The following CCDC7 variants were observed in gnomAD, a reference collection of about 807,000 sequenced individuals.
The protein encoded by CCDC7 is coiled-coil domain-containing protein 7.
Under a neutral mutation model 196.9 loss-of-function variants are expected in CCDC7, and 183 were observed. The observed-to-expected ratio is 0.93, with a 90% CI of 0.82 to 1.05. The LOEUF (loss-of-function observed/expected upper bound fraction) is 1.05. Among genes scored for constraint, CCDC7 ranks in the 50% least tolerant of loss-of-function variants. The pLI, the probability that CCDC7 is intolerant of heterozygous loss-of-function variation, is 0.00. For missense variants in CCDC7, 1,540 were observed against 1,482.2 expected, an observed-to-expected ratio of 1.04 and a Z score of -0.64; for synonymous variants, 525 against 484.6, an observed-to-expected ratio of 1.08 and a Z score of -1.10.
chr10:32,785,824 A>G (rs1177846895), intron 29 of CCDC7, among the ~76,000 whole-genome samples: 1 of 152,146 alleles, frequency 6.6e-6, no homozygotes, highest in African/African-American at 2.4e-5. Flanking sequence ...CCATAATCCC[A>G]TATTTCCCCA....
chr10:32,768,150 T>C (rs949722033), intron 28 of CCDC7, among the ~76,000 whole-genome samples: 1 of 152,144 alleles, frequency 6.6e-6, no homozygotes, highest in East Asian at 1.9e-4. Flanking sequence ...AAGTATGTAT[T>C]TAGTACTTGT....
At chr10:32,700,527 T>C (rs2078516482) in intron 24 of CCDC7, among the ~76,000 whole-genome samples, 1 of 152,194 alleles carries the variant, frequency 6.6e-6, no homozygotes, top group Non-Finnish European at 1.5e-5. Context: ...AGGATTGACT[T>C]GGCGATGCGG....
chr10:32,841,097 G>T (rs185057920), intron 33 of CCDC7, among the ~76,000 whole-genome samples: 130 of 152,100 alleles, frequency 8.5e-4, no homozygotes, highest in Non-Finnish European at 7.2e-4. Context: ...ACAAGACAAG[G>T]ATGCCTACTC....
At chr10:32,833,496 A>G (rs990071912) in intron 32 of CCDC7, among the ~76,000 whole-genome samples, 2 of 152,156 alleles carry the variant, frequency 1.3e-5, no homozygotes, top group Non-Finnish European at 2.9e-5. Flanking sequence ...TTGTATTCTT[A>G]GTGCTTAAAC....
chr10:32,835,064 A>G (rs1263062265), intron 33 of CCDC7, among the ~76,000 whole-genome samples, 166 bp downstream of exon 34: 1 of 152,166 alleles, frequency 6.6e-6, no homozygotes, highest in Non-Finnish European at 1.5e-5. Flanking sequence ...TCAATGGAAC[A>G]TTAGTTAGAT....
At chr10:32,830,254 A>T (rs1366608245) in intron 32 of CCDC7, among the ~76,000 whole-genome samples, 1 of 149,240 alleles carries the variant, frequency 6.7e-6, no homozygotes, top group African/African-American at 2.4e-5. Context: ...AGTAAAATAG[A>T]AAATAGTCCA....
chr10:32,734,040 A>T (rs1408110044), intron 28 of CCDC7, among the ~76,000 whole-genome samples: 1 of 152,234 alleles, frequency 6.6e-6, no homozygotes, highest in Non-Finnish European at 1.5e-5. Context: ...GAGAGCTAAA[A>T]GCAGAACTAC....
At chr10:32,850,908 T>C (rs758854584) in intron 39 of CCDC7, among the ~76,000 whole-genome samples, 1 of 151,830 alleles carries the variant, frequency 6.6e-6, no homozygotes, top group Non-Finnish European at 1.5e-5. Context: ...AAGGCAAATA[T>C]GGCAGTCAAT....
chr10:32,873,389 G>T (rs150330345), intron 41 of CCDC7, among the ~76,000 whole-genome samples: 143 of 151,980 alleles, frequency 9.4e-4, no homozygotes, highest in African/African-American at 3.3e-3. Context: ...GCTCCATCAG[G>T]TCCTTTAAGG....
Position 32,602,187 on chromosome 10 carries a change from C to T in CCDC7, c.1801+17883C>T, listed in dbSNP as rs143958945. 3.9e-4 allele frequency among the ~76,000 whole-genome samples: 59 copies of T among 151,686 alleles called. No individual in the cohort carries two copies. In the East Asian group the frequency reaches 4.5e-3, roughly 12 times the overall value. On this transcript the variant is annotated intron_variant, in intron 18 of 41. Transcript: ENST00000639629. Reference sequence around the variant, plus strand: ...TGGAAGGAACAAACAACTCCAGATGCGCCACCTTTAAGAGCTGTTAACACT... The same window carrying T: ...TGGAAGGAACAAACAACTCCAGATGTGCCACCTTTAAGAGCTGTTAACACT...
chr10:32,754,221 T>A (rs1457280143), intron 28 of CCDC7, among the ~76,000 whole-genome samples: 1 of 152,184 alleles, frequency 6.6e-6, no homozygotes, highest in Non-Finnish European at 1.5e-5. Context: ...AATATCAGTA[T>A]GATGTTCAGC....
At chr10:32,766,282 T>C (rs1328320400) in intron 28 of CCDC7, among the ~76,000 whole-genome samples, 3 of 152,024 alleles carry the variant, frequency 2.0e-5, no homozygotes, top group South Asian at 4.1e-4. Flanking sequence ...CCTATTTGAC[T>C]TCTCTGTATA....
chr10:32,779,569 G>T (rs546734168), intron 29 of CCDC7, among the ~76,000 whole-genome samples: 1 of 152,212 alleles, frequency 6.6e-6, no homozygotes, highest in African/African-American at 2.4e-5. Flanking sequence ...GAATATGTGT[G>T]AAAGGTAGTG....
intron 9 of CCDC7, chr10:32,512,596 GAAAAT>G (rs2046388630): frequency 6.6e-6 from 1 of 152,018 alleles, no homozygotes; most frequent in Admixed American, 6.6e-5. Context: ...CTAAATGTAA[GAAAAT>G]AAAACCATAA....
chr10:32,782,419 G>C (rs1433255048), intron 29 of CCDC7, among the ~76,000 whole-genome samples: 1 of 152,068 alleles, frequency 6.6e-6, no homozygotes, highest in Non-Finnish European at 1.5e-5. Context: ...GAAGAAACGG[G>C]GTTTCACTAT....
chr10:32,449,564 C>A (rs546378494), upstream of CCDC7, among the ~76,000 whole-genome samples: 1 of 152,030 alleles, frequency 6.6e-6, no homozygotes, highest in South Asian at 2.1e-4. Context: ...CTGGGGGTGT[C>A]CCCTGTTTGT....
At chr10:32,464,315 T>A (rs1245710697) in intron 5 of CCDC7, among the ~76,000 whole-genome samples, 1 of 152,238 alleles carries the variant, frequency 6.6e-6, no homozygotes, top group Non-Finnish European at 1.5e-5. Flanking sequence ...TGGAATGCTC[T>A]AAATACAAGC....
chr10:32,655,358 G>T (rs1362658199), intron 20 of CCDC7, among the ~76,000 whole-genome samples: 2 of 152,090 alleles, frequency 1.3e-5, no homozygotes, highest in African/African-American at 2.4e-5. Context: ...AATTATACAA[G>T]GGTTTTCTTT....
chr10:32,660,633 A>G (rs1341123307), intron 20 of CCDC7, among the ~76,000 whole-genome samples: 2 of 151,574 alleles, frequency 1.3e-5, no homozygotes, highest in East Asian at 1.9e-4. Context: ...TCCTTTGGGT[A>G]TATACCCAGT....
Sources: gnomAD v4.1 joint callset for allele counts (sites outside exome capture counted in the v4.1 genomes callset) on GRCh38, gnomAD v4.1.1 for gene constraint, MANE v1.5 for transcripts, NCBI Gene and HGNC (gene_info 2026-07-23, HGNC 2026-07-21) for gene names.